CNOT10: variants seen among roughly 807,000 people sequenced by gnomAD.
CNOT10 encodes CCR4-NOT transcription complex subunit 10.
Under a neutral mutation model 94.6 loss-of-function variants are expected in CNOT10, and 30 were observed. That is an observed-to-expected ratio of 0.32 (90% CI 0.24 to 0.43). CNOT10 has a LOEUF of 0.43. Among genes scored for constraint, CNOT10 ranks in the 20% least tolerant of loss-of-function variants. CNOT10 has a pLI of 1.00. For synonymous variants in CNOT10, 289 were observed against 301.6 expected (o/e 0.96, Z 0.43); for missense variants, 759 against 877.2 (o/e 0.87, Z 1.70).
intron 8 of CNOT10, among the ~76,000 whole-genome samples, chr3:32,722,720 C>T (rs1319668397): frequency 6.6e-6 from 1 of 152,148 alleles, no homozygotes; most frequent in Non-Finnish European, 1.5e-5. Flanking sequence ...TGGCTCACAC[C>T]TATAATCAAT....
At position 32,773,682 on chromosome 3, in the gene CNOT10, G is replaced by A. The variant is rs571974207; in HGVS notation, c.*71G>A. On this transcript the variant is annotated 3_prime_UTR_variant, in exon 19 of 19. Coordinates refer to ENST00000328834, the MANE Select transcript of CNOT10 (RefSeq NM_015442.3). ...TACTGGCCATTTTAGTTGTATCACA[G>A]CAGAATGAATAAAAGATGGTGAAGG... 16 of 1,443,314 alleles carry A rather than the reference G, an allele frequency of 1.1e-5. No homozygotes were observed. The highest frequency in any genetic ancestry group is 1.5e-5 in the Non-Finnish European group (16 of 1,071,362). 89.4% of individuals were successfully genotyped at this position (1,443,314 alleles called of 1,614,324 possible).
chr3:32,702,903 ATTGTTTTTTG>A (rs1697422097), intron 1 of CNOT10, among the ~76,000 whole-genome samples: 2 of 148,012 alleles, frequency 1.4e-5, no homozygotes, highest in South Asian at 4.2e-4. Context: ...TTAATCAGTC[ATTGTTTTTTG>A]TTGTTTTTTT....
intron 8 of CNOT10, 52 bp from the exon 9 acceptor site, chr3:32,725,398 G>A: frequency 7.1e-7 from 1 of 1,400,316 alleles, no homozygotes; most frequent in African/African-American, 1.4e-5. Context: ...TTGTCTGAGG[G>A]ACATCAACAT....
intron 9 of CNOT10, among the ~76,000 whole-genome samples, chr3:32,725,985 C>T (rs1014553394): frequency 6.6e-6 from 1 of 151,422 alleles, no homozygotes; most frequent in African/African-American, 2.4e-5. Context: ...AGCTCTATCA[C>T]CCAGGCTGGA....
chr3:32,714,536 G>A (rs534139419), intron 5 of CNOT10, among the ~76,000 whole-genome samples: 25 of 151,058 alleles, frequency 1.7e-4, no homozygotes, highest in Admixed American at 4.0e-4. Context: ...TGGTGAAACC[G>A]TGTCTTTACT....
At position 32,708,649 on chromosome 3, in the gene CNOT10, CCT is replaced by C; in HGVS notation, c.280-18_280-17del. On this transcript the variant is annotated intron_variant, in intron 3 of 18. Coordinates refer to ENST00000328834, the MANE Select transcript of CNOT10 (RefSeq NM_015442.3). ...TTATTTCCTTAATGTTAAAATATAA[CCT>C]CTGTTGATTGCTTTATAGGTCCACT... 2 of 1,589,340 alleles carry C rather than the reference CCT, an allele frequency of 1.3e-6. No homozygotes were observed. Among genetic ancestry groups the C allele is most frequent in the Non-Finnish European group, 8.5e-7 (1 of 1,171,252 alleles).
At chr3:32,742,421 G>T (rs1466657720) in intron 13 of CNOT10, among the ~76,000 whole-genome samples, 1 of 147,476 alleles carries the variant, frequency 6.8e-6, no homozygotes, top group East Asian at 2.1e-4. Flanking sequence ...TTGCTGTGTT[G>T]CCCAGGCTGG....
rs1697546444 is a variant in CNOT10 at position 32,704,955 on chromosome 3, A to C, written c.262A>C (p.Asn88His). ...AACAGATAATTTGAGACAAACACTT[A>C]ACCAGCTGAAGAATCAGGTGATACA... ...TTTDNLRQTL[N>H]QLKNQVHSAV... The change falls in exon 3 of 19, where the codon AAC becomes CAC. Residue 88 changes from asparagine (N) to histidine (H), a missense_variant. Asn to His is a moderately conservative substitution (Grantham distance 68, BLOSUM62 1). Around this residue, in one of 3 missense-constraint regions of CNOT10, gnomAD observed 682 missense variants for 799.4 expected, o/e 0.85. Coordinates refer to ENST00000328834, the MANE Select transcript of CNOT10 (RefSeq NM_015442.3). The C allele has an allele frequency of 2.0e-6, 3 of 1,538,428 alleles. No individual in the cohort carries two copies. Among genetic ancestry groups the C allele is most frequent in the Non-Finnish European group, 2.6e-6 (3 of 1,154,878 alleles).
intron 1 of CNOT10, among the ~76,000 whole-genome samples, chr3:32,689,815 C>T (rs1408208151): frequency 6.6e-6 from 1 of 152,044 alleles, no homozygotes; most frequent in Admixed American, 6.6e-5. Context: ...ATTAGCTAGG[C>T]ATGGTGGCGT....
At chr3:32,710,147 CAAAAAAAAAAAAA>C (rs68126514) in intron 4 of CNOT10, among the ~76,000 whole-genome samples, 2 of 70,660 alleles carry the variant, frequency 2.8e-5, no homozygotes, top group East Asian at 3.7e-4. Flanking sequence ...AACTTGCTCT[CAAAAAAAAAAAAA>C]AAAAAAAAAG....
chr3:32,705,869 G>A (rs909521024), intron 3 of CNOT10, among the ~76,000 whole-genome samples: 1 of 152,102 alleles, frequency 6.6e-6, no homozygotes, highest in African/African-American at 2.4e-5. Flanking sequence ...TAGGCATAAA[G>A]TAATTTTTAA....
chr3:32,734,894 G>A lies in CNOT10; in HGVS notation c.1432G>A (p.Asp478Asn), dbSNP rs369914627. The A allele has an allele frequency of 2.7e-5, 43 of 1,613,898 alleles. No homozygotes were observed. The African/African-American group carries it at 5.5e-4, about 21-fold the overall frequency. Residue 478 changes from aspartate (D) to asparagine (N), a missense_variant, in exon 12 of 19, where the codon GAT becomes AAT. Physicochemically the swap from Asp to Asn is conservative, Grantham distance 23. This residue lies in a region of CNOT10 where 682 missense variants were observed against 799.4 expected (regional missense o/e 0.85). Coordinates refer to ENST00000328834, the MANE Select transcript of CNOT10 (RefSeq NM_015442.3). ...ALLLLPEEQQDPKQENGAKNS... is the reference protein window; with the variant it reads ...ALLLLPEEQQNPKQENGAKNS... ...GTTGCTGCTACCTGAAGAACAGCAA[G>A]ATCCAAAGCAGGAAAATGGGGCTAA...
chr3:32,728,224 G>A (rs539740671), intron 10 of CNOT10, among the ~76,000 whole-genome samples: 4 of 152,046 alleles, frequency 2.6e-5, no homozygotes, highest in African/African-American at 7.2e-5. Flanking sequence ...TTGAACTCCC[G>A]ACCTTATGTG....
intron 1 of CNOT10, among the ~76,000 whole-genome samples, chr3:32,702,997 C>T (rs1431573662): frequency 6.6e-6 from 1 of 151,386 alleles, no homozygotes; most frequent in Admixed American, 6.6e-5. Context: ...CTGCAAGCTC[C>T]ACCTCCCAGG....
chr3:32,708,341 A>G (rs184481169), intron 3 of CNOT10, among the ~76,000 whole-genome samples: 1 of 152,284 alleles, frequency 6.6e-6, no homozygotes, highest in Non-Finnish European at 1.5e-5. Flanking sequence ...AGACTAGGAG[A>G]TGGGAATCCT....
At chr3:32,687,458 T>TTTTTTTTTGTTTG (rs1468639910) in intron 1 of CNOT10, among the ~76,000 whole-genome samples, 3 of 108,050 alleles carry the variant, frequency 2.8e-5, no homozygotes, top group Non-Finnish European at 5.8e-5. Flanking sequence ...TTTTGTTTTT[T>TTTTTTTTTGTTTG]TTTTTTTTTT....
intron 8 of CNOT10, among the ~76,000 whole-genome samples, chr3:32,723,152 G>C (rs967633836): frequency 6.6e-5 from 10 of 152,216 alleles, no homozygotes; most frequent in Admixed American, 2.0e-4. Context: ...TCAGCACTTT[G>C]GGAGGCTGAG....
At chr3:32,715,978 T>C in intron 5 of CNOT10, 1 of 316,944 alleles carries the variant, frequency 3.2e-6, no homozygotes, top group Non-Finnish European at 5.8e-6. Context: ...AGCTAATTTT[T>C]GTATTTTTTG....
rs765265834 is a variant in CNOT10, at chr3:32,769,896, A to T, written c.2014A>T (p.Met672Leu). 1.2e-6 allele frequency: 2 copies of T among 1,613,822 alleles called. No individual in the cohort carries two copies. Among genetic ancestry groups the T allele is most frequent in the Non-Finnish European group, 1.7e-6 (2 of 1,179,864 alleles). ...ARKCLHQAAS[M>L]IHPKEVPPEA... is the part of the protein sequence containing the mutation. ...TCTGTTTTGAGCAAAGGCGGCTTCA[A>T]TGATCCATCCTAAAGAGGTGCCCCC... Residue 672 changes from methionine to leucine, a missense_variant, in exon 18 of 19, where the codon ATG becomes TTG. Met to Leu is a conservative substitution (Grantham distance 15). Around this residue, in one of 3 missense-constraint regions of CNOT10, gnomAD observed 682 missense variants for 799.4 expected, o/e 0.85. Transcript: ENST00000328834.
Sources: gnomAD v4.1 joint callset for allele counts (sites outside exome capture counted in the v4.1 genomes callset) on GRCh38, gnomAD v4.1.1 for gene constraint, gnomAD v4.1.1 regional missense constraint, MANE v1.5 for transcripts, NCBI Gene and HGNC (gene_info 2026-07-23, HGNC 2026-07-21) for gene names.